COG5: variants seen among roughly 807,000 people sequenced by gnomAD.
The protein encoded by COG5 is component of oligomeric golgi complex 5.
COG5 carries 86 observed loss-of-function variants against 110.4 expected under a neutral mutation model. That is an observed-to-expected ratio of 0.78 (90% CI 0.65 to 0.93). The LOEUF (loss-of-function observed/expected upper bound fraction) is 0.93. COG5 is among the 40% of genes least tolerant of loss of function. The pLI is 0.00. For missense variants in COG5, 1,077 were observed against 987.0 expected, an observed-to-expected ratio of 1.09 and a Z score of -1.22; for synonymous variants, 360 against 334.6, an observed-to-expected ratio of 1.08 and a Z score of -0.83.
At chr7:107,263,967 C>T (rs1803587056) in intron 14 of COG5, among the ~76,000 whole-genome samples, 1 of 152,066 alleles carries the variant, frequency 6.6e-6, no homozygotes. Flanking sequence ...CTTTAAGTTT[C>T]TATTAAGAAA....
At chr7:107,326,725 A>C (rs1809798205) in intron 10 of COG5, among the ~76,000 whole-genome samples, 3 of 152,202 alleles carry the variant, frequency 2.0e-5, no homozygotes, top group Non-Finnish European at 4.4e-5. Flanking sequence ...TACTCCCCAA[A>C]TGATCTGCAG....
chr7:107,419,354 TAAAC>T (rs1563023634), intron 6 of COG5, among the ~76,000 whole-genome samples: 1 of 151,618 alleles, frequency 6.6e-6, no homozygotes, highest in African/African-American at 2.4e-5. Flanking sequence ...ACCAATAATT[TAAAC>T]AAAATTAATG....
chr7:107,386,718 C>A (rs1458076422), intron 7 of COG5, among the ~76,000 whole-genome samples: 19 of 152,026 alleles, frequency 1.2e-4, no homozygotes, highest in Non-Finnish European at 1.5e-5. Context: ...TAACCCAAAG[C>A]CCAAGGTTCC....
At chr7:107,467,937 C>T (rs1245517337) in intron 6 of COG5, among the ~76,000 whole-genome samples, 1 of 152,052 alleles carries the variant, frequency 6.6e-6, no homozygotes, top group African/African-American at 2.4e-5. Context: ...CTCAGAAACC[C>T]CAGATTTTGT....
intron 7 of COG5, among the ~76,000 whole-genome samples, chr7:107,380,255 T>C (rs1482366205): frequency 6.6e-6 from 1 of 151,720 alleles, no homozygotes; most frequent in African/African-American, 2.4e-5. Flanking sequence ...TTAAAAGAAC[T>C]AGAGAAGCAA....
At chr7:107,418,738 CA>C (rs567463531) in intron 6 of COG5, among the ~76,000 whole-genome samples, 17 of 151,218 alleles carry the variant, frequency 1.1e-4, no homozygotes, top group Non-Finnish European at 2.2e-4. Context: ...ATTCTGGATG[CA>C]AATAGTGTTT....
At chr7:107,292,919 T>C (rs1454746821) in intron 12 of COG5, among the ~76,000 whole-genome samples, 1 of 152,214 alleles carries the variant, frequency 6.6e-6, no homozygotes, top group African/African-American at 2.4e-5. Flanking sequence ...ATATGAGCTC[T>C]GGAAAACTTT....
intron 13 of COG5, among the ~76,000 whole-genome samples, chr7:107,282,739 C>G (rs1158809512): frequency 6.6e-6 from 1 of 152,136 alleles, no homozygotes; most frequent in African/African-American, 2.4e-5. Context: ...TCTGGAACTC[C>G]TGACCTCAGG....
At chr7:107,523,171 G>A (rs1287047747) in intron 6 of COG5, among the ~76,000 whole-genome samples, 1 of 152,032 alleles carries the variant, frequency 6.6e-6, no homozygotes, top group Non-Finnish European at 1.5e-5. Context: ...GATTGATTTA[G>A]GTCTTCTTTG....
At chr7:107,517,757 G>A (rs56967324) in intron 6 of COG5, among the ~76,000 whole-genome samples, 40,198 of 151,320 alleles carry the variant, frequency 0.27, 5,465 homozygotes, top group East Asian at 0.33. Flanking sequence ...CAGTGCAGTG[G>A]CGCAATCTCG....
At chr7:107,355,898 A>G (rs1463586739) in intron 10 of COG5, among the ~76,000 whole-genome samples, 2 of 152,210 alleles carry the variant, frequency 1.3e-5, no homozygotes, top group African/African-American at 4.8e-5. Flanking sequence ...GAACAGTGGT[A>G]TATTTGTTAC....
chr7:107,553,292 G>A (rs1030662424), intron 3 of COG5, among the ~76,000 whole-genome samples: 1 of 152,060 alleles, frequency 6.6e-6, no homozygotes, highest in Non-Finnish European at 1.5e-5. Flanking sequence ...TAAGTCAATC[G>A]GTACTTAGAG....
intron 12 of COG5, among the ~76,000 whole-genome samples, chr7:107,284,435 T>C (rs963203001): frequency 6.6e-6 from 1 of 152,208 alleles, no homozygotes; most frequent in African/African-American, 2.4e-5. Context: ...CCTGCTCCAT[T>C]AGCTTGGCCC....
At chr7:107,295,672 G>A (rs961413464) in intron 12 of COG5, among the ~76,000 whole-genome samples, 2 of 151,952 alleles carry the variant, frequency 1.3e-5, no homozygotes, top group African/African-American at 4.8e-5. Context: ...CCTATATCTC[G>A]TTTTCCTCAC....
chr7:107,308,137 T>C (rs1356165490), intron 11 of COG5, among the ~76,000 whole-genome samples: 2 of 152,166 alleles, frequency 1.3e-5, no homozygotes, highest in Admixed American at 1.3e-4. Context: ...AACTGGGACA[T>C]TTGTCCTACA....
chr7:107,440,974 C>T (rs1436132218), intron 6 of COG5, among the ~76,000 whole-genome samples: 2 of 152,068 alleles, frequency 1.3e-5, no homozygotes, highest in African/African-American at 4.8e-5. Context: ...CAATCCCAGG[C>T]CGGGCGTGGT....
intron 11 of COG5, among the ~76,000 whole-genome samples, chr7:107,309,652 T>C (rs561843175): frequency 6.6e-6 from 1 of 152,332 alleles, no homozygotes; most frequent in African/African-American, 2.4e-5. Flanking sequence ...AGTTTAAAAG[T>C]AAAGGCATCA....
intron 16 of COG5, among the ~76,000 whole-genome samples, chr7:107,254,864 T>C (rs968581184): frequency 3.3e-5 from 5 of 152,166 alleles, no homozygotes; most frequent in African/African-American, 1.2e-4. Context: ...GTGGGTTGTG[T>C]CTGACCATTA....
chr7:107,520,612 G>C (rs1172161077), intron 6 of COG5, among the ~76,000 whole-genome samples: 1 of 152,096 alleles, frequency 6.6e-6, no homozygotes, highest in African/African-American at 2.4e-5. Context: ...TCTTCAAGGA[G>C]AACTACAAAC....
Sources: allele counts gnomAD v4.1 joint callset (sites outside exome capture counted in the v4.1 genomes callset), GRCh38; gene constraint gnomAD v4.1.1; transcripts MANE v1.5; gene names NCBI Gene and HGNC (gene_info 2026-07-23, HGNC 2026-07-21).